The following ZNF462 variants were observed in gnomAD, a reference collection of about 807,000 sequenced individuals.
ZNF462 encodes zinc finger protein 462, also known as zinc finger PBX1-interacting protein.
A neutral mutation model predicts 201.9 loss-of-function variants in ZNF462; 10 were observed. The ratio of observed to expected loss-of-function variants is 0.05; its 90% CI spans 0.03 to 0.08. ZNF462 has a LOEUF of 0.08. Ranked by LOEUF, ZNF462 falls within the 10% of genes least tolerant of loss-of-function variation. The pLI, the probability that ZNF462 is intolerant of heterozygous loss-of-function variation, is 1.00. For synonymous variants in ZNF462, 1,227 were observed against 1,193.3 expected, an observed-to-expected ratio of 1.03 and a Z score of -0.58; for missense variants, 2,523 against 3,168.3, an observed-to-expected ratio of 0.80 and a Z score of 4.89.
chr9:106,894,746 G>T (rs73668707), intron 1 of ZNF462, among the ~76,000 whole-genome samples: 9,954 of 152,194 alleles, frequency 0.065, 587 homozygotes, highest in African/African-American at 0.16. Flanking sequence ...GATCCAAATG[G>T]ATATGGTGCT....
chr9:106,948,910 G>T (rs1284133398), intron 7 of ZNF462, among the ~76,000 whole-genome samples: 1 of 151,796 alleles, frequency 6.6e-6, no homozygotes, highest in Non-Finnish European at 1.5e-5. Context: ...GTTATAGAAG[G>T]CCTTTGAGAT....
rs1042698283 is a variant in ZNF462, at chr9:107,011,514, A to C, written c.*484A>C. The C allele has an allele frequency of 1.7e-5, 2 of 118,900 alleles. No individual in the cohort carries two copies. Among genetic ancestry groups the C allele is most frequent in the Non-Finnish European group, 3.1e-5 (2 of 63,504 alleles). The allele number at this position is 118,900 out of a possible 1,614,324, so 7.4% of individuals were successfully genotyped here. A position where few individuals can be genotyped will look rare whatever the true frequency, so the allele number is the denominator to read the frequency against. ...AAACAAAAAACAAAAAACAGAAAAC[A>C]AAAAAAAAAAAACTGCTTTGCATAA... On this transcript the variant is annotated 3_prime_UTR_variant, in exon 13 of 13. Transcript: ENST00000277225. This position sits in a 1 kb window ranked among gnomAD's most constrained non-coding sequence, Gnocchi z 5.6.
At chr9:106,899,036 A>C (rs1828934989) in intron 1 of ZNF462, among the ~76,000 whole-genome samples, 1 of 152,086 alleles carries the variant, frequency 6.6e-6, no homozygotes, top group South Asian at 2.1e-4. Context: ...TGATATATGG[A>C]TTACTTGGTA....
chr9:106,994,596 A>G (rs1243782663), intron 10 of ZNF462, among the ~76,000 whole-genome samples: 2 of 152,124 alleles, frequency 1.3e-5, no homozygotes, highest in Non-Finnish European at 2.9e-5. Context: ...TCTCTAGAAG[A>G]CTATGCCATT....
chr9:106,889,022 T>G (rs1828453920), intron 1 of ZNF462, among the ~76,000 whole-genome samples: 2 of 152,230 alleles, frequency 1.3e-5, no homozygotes, highest in Admixed American at 1.3e-4. Flanking sequence ...ACAGAAAGAT[T>G]CTCTTTCTAG....
At chr9:106,864,856 AC>A (rs1827263320) in intron 1 of ZNF462, among the ~76,000 whole-genome samples, 1 of 152,062 alleles carries the variant, frequency 6.6e-6, no homozygotes, top group Non-Finnish European at 1.5e-5. Flanking sequence ...GGAGGAAGTG[AC>A]TAGTTTGGTT....
intron 9 of ZNF462, among the ~76,000 whole-genome samples, chr9:106,980,847 G>A (rs1827371478): frequency 6.6e-6 from 1 of 152,136 alleles, no homozygotes. Flanking sequence ...GAGGTGTGAA[G>A]TCAAAAAGAC....
rs1830163625 is a variant in ZNF462, at chr9:106,925,639, C to T, written c.1727C>T (p.Pro576Leu). The change falls in exon 3 of 13, where the codon CCC becomes CTC. Residue 576 changes from proline to leucine, a missense_variant. Pro to Leu is a moderately conservative substitution (Grantham distance 98). Around this residue, in one of 15 missense-constraint regions of ZNF462, gnomAD observed 383 missense variants for 453.4 expected, o/e 0.84. Coordinates refer to ENST00000277225, the MANE Select transcript of ZNF462 (RefSeq NM_021224.6). The surrounding 1 kb of genome is among the most constrained non-coding windows in gnomAD (Gnocchi z 7.9). ...CTGCAGCCACCACATCAGGTGCCACCCCAGCCACAAACACAGCCACCACCA... is the reference window on the plus strand; with the variant it reads ...CTGCAGCCACCACATCAGGTGCCACTCCAGCCACAAACACAGCCACCACCA... The part of the protein sequence containing the change: ...PQLQPPHQVP[P>L]QPQTQPPPTQ... 6.2e-7 allele frequency: 1 copy of T among 1,613,788 alleles called. No individual in the cohort carries two copies. Among genetic ancestry groups the T allele is most frequent in the Non-Finnish European group, 8.5e-7 (1 of 1,179,942 alleles).
chr9:106,871,233 T>C (rs143328094), intron 1 of ZNF462, among the ~76,000 whole-genome samples: 12 of 152,238 alleles, frequency 7.9e-5, no homozygotes, highest in African/African-American at 2.9e-4. Context: ...AAGGCACCTG[T>C]GAATTAGAGC....
intron 7 of ZNF462, among the ~76,000 whole-genome samples, chr9:106,960,618 A>G (rs1350299858): frequency 6.6e-6 from 1 of 152,154 alleles, no homozygotes; most frequent in Non-Finnish European, 1.5e-5. Context: ...GAGCTTCTCA[A>G]TTAACAATGG....
chr9:106,863,387 G>A (rs969791447), intron 1 of ZNF462, 32 bp downstream of exon 1: 19 of 394,158 alleles, frequency 4.8e-5, no homozygotes, highest in Non-Finnish European at 8.5e-5. Context: ...CCACCTCGGG[G>A]TGGTCCGAGT....
intron 7 of ZNF462, among the ~76,000 whole-genome samples, chr9:106,942,042 G>A (rs1375660221): frequency 6.6e-6 from 1 of 152,224 alleles, no homozygotes; most frequent in Non-Finnish European, 1.5e-5. Flanking sequence ...CACTGCAGAT[G>A]CCAGGACAAT....
chr9:106,942,688 T>C (rs187123228), intron 7 of ZNF462, among the ~76,000 whole-genome samples: 117 of 152,294 alleles, frequency 7.7e-4, no homozygotes, highest in African/African-American at 2.7e-3. Flanking sequence ...AGTCTCTGCT[T>C]TCAGTACAGA....
intron 10 of ZNF462, among the ~76,000 whole-genome samples, chr9:106,987,643 C>T (rs1827954996): frequency 6.6e-6 from 1 of 152,126 alleles, no homozygotes. Context: ...ATTCTTTCTG[C>T]CATGCAAAAG....
Position 106,932,348 on chromosome 9 carries a change from A to G in ZNF462, c.6013-98A>G, listed in dbSNP as rs2131549769. Reference sequence around the variant, plus strand: ...AGTGGCGCCCTGGTGGGCCGGGTGGATGGTGAACACTGCTTGCTTGATGGA... The same window carrying G: ...AGTGGCGCCCTGGTGGGCCGGGTGGGTGGTGAACACTGCTTGCTTGATGGA... On this transcript the variant is annotated intron_variant, in intron 4 of 12. Coordinates refer to ENST00000277225, the MANE Select transcript of ZNF462 (RefSeq NM_021224.6). The surrounding 1 kb of genome is among the most constrained non-coding windows in gnomAD (Gnocchi z 6.8). 1 of 1,582,486 alleles carries G rather than the reference A, an allele frequency of 6.3e-7. No homozygotes were observed. The highest frequency in any genetic ancestry group is 2.3e-5 in the East Asian group (1 of 42,756).
intron 8 of ZNF462, among the ~76,000 whole-genome samples, chr9:106,973,515 C>T (rs1230626975): frequency 1.3e-5 from 2 of 152,178 alleles, no homozygotes; most frequent in African/African-American, 2.4e-5. Context: ...GAGCAACACT[C>T]GGGTTCACAA....
chr9:106,915,214 CTTTTTTTTTTT>C (rs1275163942), intron 1 of ZNF462, among the ~76,000 whole-genome samples: 1 of 128,618 alleles, frequency 7.8e-6, no homozygotes, highest in Non-Finnish European at 1.7e-5. Flanking sequence ...TTTTTTTTTT[CTTTTTTTTTTT>C]AAAACAGCTC....
chr9:106,911,027 C>T (rs1338567997), intron 1 of ZNF462, among the ~76,000 whole-genome samples: 1 of 152,160 alleles, frequency 6.6e-6, no homozygotes, highest in East Asian at 1.9e-4. Flanking sequence ...AGGTAAAATA[C>T]TCTGATTCTT....
chr9:106,939,212 T>C, intron 7 of ZNF462, 105 bp downstream of exon 7: 2 of 1,194,334 alleles, frequency 1.7e-6, no homozygotes, highest in South Asian at 3.4e-5. Context: ...GAAAACATGA[T>C]GGTTCAAGTG....
Sources: gnomAD v4.1 joint callset for allele counts (sites outside exome capture counted in the v4.1 genomes callset) on GRCh38, gnomAD v4.1.1 for gene constraint, gnomAD v4.1.1 regional missense constraint, Gnocchi (gnomAD v3.1) non-coding constraint, MANE v1.5 for transcripts, NCBI Gene and HGNC (gene_info 2026-07-23, HGNC 2026-07-21) for gene names.